The following STOX2 variants were observed in gnomAD, a reference collection of about 807,000 sequenced individuals.
STOX2 encodes the protein storkhead box 2.
A neutral mutation model predicts 60.9 loss-of-function variants in STOX2; 28 were observed. The observed-to-expected ratio is 0.46, with a 90% CI of 0.34 to 0.63. STOX2 has a LOEUF of 0.63. Ranked by LOEUF, STOX2 falls within the 30% of genes least tolerant of loss-of-function variation. The probability of loss-of-function intolerance (pLI) is 0.01; values close to 1 mark genes in which losing one functional copy is unlikely to be tolerated. For missense variants in STOX2, 1,024 were observed against 1,187.7 expected, an observed-to-expected ratio of 0.86 and a Z score of 2.03; for synonymous variants, 472 against 463.9, an observed-to-expected ratio of 1.02 and a Z score of -0.22.
intron 1 of STOX2, among the ~76,000 whole-genome samples, chr4:183,824,332 A>G (rs1347020786): frequency 6.6e-6 from 1 of 152,150 alleles, no homozygotes; most frequent in Non-Finnish European, 1.5e-5. Flanking sequence ...ATTATTTCTC[A>G]CCGACATTCT....
chr4:183,991,960 C>A (rs1186769263), intron 1 of STOX2, among the ~76,000 whole-genome samples: 1 of 152,206 alleles, frequency 6.6e-6, no homozygotes, highest in Non-Finnish European at 1.5e-5. Context: ...GTTTTGACTA[C>A]AAAGCCCATG....
chr4:183,870,270 G>C (rs971852233), intron 1 of STOX2, among the ~76,000 whole-genome samples: 7 of 152,190 alleles, frequency 4.6e-5, no homozygotes, highest in Admixed American at 4.6e-4. Flanking sequence ...ATTGTGTTTT[G>C]TATAAAAGTG....
Position 184,009,037 on chromosome 4 carries a change from T to C in STOX2, c.320-121T>C, listed in dbSNP as rs1734010528. The C allele has an allele frequency of 1.3e-6, 1 of 755,504 alleles. No homozygotes were observed. The highest frequency in any genetic ancestry group is 2.0e-5 in the South Asian group (1 of 50,480). 46.8% of individuals were successfully genotyped at this position (755,504 alleles called of 1,614,324 possible). A position where few individuals can be genotyped will look rare whatever the true frequency, so the allele number is the denominator to read the frequency against. ...AACTTAATGAACACCTTTGTCTGAA[T>C]TGTGCATCCTAGCTCTGTGATGGTA... On this transcript the variant is annotated intron_variant, in intron 2 of 3. Transcript: ENST00000308497. This position sits in a 1 kb window ranked among gnomAD's most constrained non-coding sequence, Gnocchi z 4.0.
At chr4:183,872,020 AAACT>A (rs1423539212) in intron 1 of STOX2, among the ~76,000 whole-genome samples, 1 of 152,198 alleles carries the variant, frequency 6.6e-6, no homozygotes, top group African/African-American at 2.4e-5. Context: ...TCATCTGGAT[AAACT>A]ATAAGTTGTG....
intron 1 of STOX2, among the ~76,000 whole-genome samples, chr4:183,994,654 A>G (rs903555425): frequency 2.0e-5 from 3 of 152,232 alleles, no homozygotes; most frequent in African/African-American, 7.2e-5. Flanking sequence ...CTCATTTTAC[A>G]GATGAGGAAA....
chr4:183,963,589 G>A lies in STOX2; in HGVS notation c.167-37736G>A, dbSNP rs566834245. 2.6e-5 allele frequency among the ~76,000 whole-genome samples: 4 copies of A among 151,736 alleles called. 1 individual carries two copies. In the South Asian group the frequency reaches 8.3e-4, roughly 32 times the overall value. On this transcript the variant is annotated intron_variant, in intron 1 of 3. Coordinates refer to ENST00000308497, the MANE Select transcript of STOX2 (RefSeq NM_020225.3). ...TTATAGGTGCCCGCCACCACACCCG[G>A]CTAATTTTTGTATTTTAGTAGAGAC...
At chr4:183,896,166 A>T (rs906150133) in intron 1 of STOX2, among the ~76,000 whole-genome samples, 2 of 152,200 alleles carry the variant, frequency 1.3e-5, no homozygotes, top group African/African-American at 4.8e-5. Flanking sequence ...AGAAAATGCG[A>T]GAACTTGGGT....
intron 1 of STOX2, among the ~76,000 whole-genome samples, chr4:183,977,013 A>G (rs1480474207): frequency 6.6e-6 from 1 of 152,224 alleles, no homozygotes; most frequent in Non-Finnish European, 1.5e-5. Flanking sequence ...CAGTCTGGAA[A>G]ATAGTTCAGT....
At chr4:183,815,326 T>C (rs911420976) in intron 1 of STOX2, among the ~76,000 whole-genome samples, 5 of 152,012 alleles carry the variant, frequency 3.3e-5, no homozygotes, top group Non-Finnish European at 7.4e-5. Context: ...GATGCATAAG[T>C]GGGGAAATGG....
intron 1 of STOX2, among the ~76,000 whole-genome samples, chr4:183,898,149 A>C (rs974879682): frequency 6.6e-6 from 1 of 151,916 alleles, no homozygotes; most frequent in African/African-American, 2.4e-5. Flanking sequence ...GGTGACACCG[A>C]TTTTCTGCTT....
intron 1 of STOX2, among the ~76,000 whole-genome samples, chr4:183,850,831 A>AGAAAGGATGAGGGAAAGGATGAGG (rs1740101440): frequency 7.3e-6 from 1 of 137,382 alleles, no homozygotes; most frequent in African/African-American, 2.7e-5. Flanking sequence ...AAAGGATGAG[A>AGAAAGGATGAGGGAAAGGATGAGG]GAAAGGATGA....
chr4:183,953,189 T>TA (rs377045079), intron 1 of STOX2, among the ~76,000 whole-genome samples: 13 of 151,162 alleles, frequency 8.6e-5, no homozygotes, highest in South Asian at 2.1e-4. Context: ...AAGTATAATT[T>TA]TAAAAAAAAA....
intron 1 of STOX2, among the ~76,000 whole-genome samples, chr4:183,929,844 A>T (rs1338305509): frequency 6.6e-6 from 1 of 152,166 alleles, no homozygotes; most frequent in South Asian, 2.1e-4. Context: ...ATTACAACCA[A>T]TTATCCTAGC....
intron 1 of STOX2, among the ~76,000 whole-genome samples, chr4:183,864,138 A>G (rs140021895): frequency 2.8e-3 from 419 of 152,292 alleles, no homozygotes; most frequent in African/African-American, 9.5e-3. Flanking sequence ...GTTTTGAAAT[A>G]TGAGGAAATA....
At chr4:183,824,861 G>A (rs1440006966) in intron 1 of STOX2, among the ~76,000 whole-genome samples, 1 of 152,214 alleles carries the variant, frequency 6.6e-6, no homozygotes, top group Non-Finnish European at 1.5e-5. Context: ...GGGTGGTTAA[G>A]TGCCCAGATG....
At chr4:183,829,764 C>T (rs1364729343) in intron 1 of STOX2, among the ~76,000 whole-genome samples, 1 of 152,150 alleles carries the variant, frequency 6.6e-6, no homozygotes, top group East Asian at 1.9e-4. Flanking sequence ...CCAGATGCAC[C>T]TAATGGATCC....
chr4:183,985,594 A>T (rs988014846), intron 1 of STOX2, among the ~76,000 whole-genome samples: 1 of 152,198 alleles, frequency 6.6e-6, no homozygotes, highest in Non-Finnish European at 1.5e-5. Flanking sequence ...GAAAACATGC[A>T]TGCTTGGATA....
At chr4:183,965,183 G>T (rs551886633) in intron 1 of STOX2, among the ~76,000 whole-genome samples, 1 of 152,182 alleles carries the variant, frequency 6.6e-6, no homozygotes, top group East Asian at 1.9e-4. Flanking sequence ...TGGTGACAAG[G>T]CATGTGGAAT....
chr4:183,926,295 C>T (rs779450198), intron 1 of STOX2, among the ~76,000 whole-genome samples: 6 of 151,518 alleles, frequency 4.0e-5, no homozygotes, highest in Non-Finnish European at 8.8e-5. Context: ...GATAAACACT[C>T]AAAATGATAA....
Sources: gnomAD v4.1 joint callset for allele counts (sites outside exome capture counted in the v4.1 genomes callset) on GRCh38, gnomAD v4.1.1 for gene constraint, Gnocchi (gnomAD v3.1) non-coding constraint, MANE v1.5 for transcripts, NCBI Gene and HGNC (gene_info 2026-07-23, HGNC 2026-07-21) for gene names.